A1BG: variants seen among roughly 807,000 people sequenced by gnomAD.
The protein encoded by A1BG is alpha-1B-glycoprotein.
A neutral mutation model predicts 46.0 loss-of-function variants in A1BG; 44 were observed. That is an observed-to-expected ratio of 0.96 (90% CI 0.75 to 1.23). A1BG has a LOEUF of 1.23. Among genes scored for constraint, A1BG ranks in the 50% most tolerant of loss-of-function variants. A1BG has a pLI of 0.00. For missense variants in A1BG, 707 were observed against 688.8 expected (o/e 1.03, Z -0.30); for synonymous variants, 316 against 314.7 (o/e 1.00, Z -0.04).
At position 58,350,554 on chromosome 19, in the gene A1BG, C is replaced by G; in HGVS notation, c.1008G>C (p.Leu336=). 1.9e-6 allele frequency: 3 copies of G among 1,546,480 alleles called. No individual in the cohort carries two copies. The highest frequency in any genetic ancestry group is 2.6e-6 in the Non-Finnish European group (3 of 1,144,968). ...LAPLEGARFA[L]VREDRGGRRV... is the part of the protein sequence containing the mutation. ...GGCGCCCGCCCCTGTCCTCGCGCAC[C>G]AGGGCGAAGCGCGCGCCCTCCAGGG... Residue 336 remains leucine (L), a synonymous_variant, in exon 6 of 8, where the codon CTG becomes CTC. Coordinates refer to ENST00000263100, the MANE Select transcript of A1BG (RefSeq NM_130786.4).
intron 4 of A1BG, 138 bp downstream of exon 4, chr19:58,352,145 A>C: frequency 6.7e-7 from 1 of 1,501,868 alleles, no homozygotes. Flanking sequence ...TGCAACCATC[A>C]GACCCAGGCA....
rs773864522 is a variant in A1BG at position 58,353,247 on chromosome 19, C to G, written c.70+45G>C. The stretch of plus-strand genomic sequence containing the variant: ...TCAGTGCCACAGAGACAGGGCTCCC[C>G]CCCGGCCTGGGCCCACCATTCCCAG... On this transcript the variant is annotated intron_variant, in intron 2 of 7. Transcript: ENST00000263100. The G allele has an allele frequency of 3.7e-6, 6 of 1,613,812 alleles. No homozygotes were observed. The Admixed American group carries it at 1.0e-4, about 27-fold the overall frequency.
chr19:58,347,639 T>A lies in A1BG; in HGVS notation c.1194A>T (p.Gly398=). The A allele has an allele frequency of 2.3e-5, 32 of 1,409,350 alleles. No individual in the cohort carries two copies. The highest frequency in any genetic ancestry group is 2.2e-4 in the Middle Eastern group (1 of 4,508). 87.3% of individuals were successfully genotyped at this position (1,409,350 alleles called of 1,614,324 possible). A position where few individuals can be genotyped will look rare whatever the true frequency, so the allele number is the denominator to read the frequency against. ...PSERLELHVD[G]PPPRPQLRAT... is the part of the protein sequence containing the mutation. ...CCCGGAGCTGAGGCCTGGGAGGGGGTCCTGGGCGGAGCGGGCGGGTGGTCG... is the reference window on the plus strand; with the variant it reads ...CCCGGAGCTGAGGCCTGGGAGGGGGACCTGGGCGGAGCGGGCGGGTGGTCG... The change falls in exon 7 of 8, where the codon GGA becomes GGT. Residue 398 remains glycine, a splice_region_variant and synonymous_variant. Transcript: ENST00000263100.
At chr19:58,348,516 T>C (rs764798226) in intron 6 of A1BG, 4 of 152,340 alleles carry the variant, frequency 2.6e-5, no homozygotes, top group African/African-American at 7.2e-5. Flanking sequence ...CCATGGAAGA[T>C]ACTAGCCCAG....
chr19:58,351,692 A>G lies in A1BG; in HGVS notation c.614-5T>C. 6.4e-7 allele frequency: 1 copy of G among 1,572,890 alleles called. No homozygotes were observed. On this transcript the variant is annotated splice_region_variant and splice_polypyrimidine_tract_variant and intron_variant, in intron 4 of 7. Coordinates refer to ENST00000263100, the MANE Select transcript of A1BG (RefSeq NM_130786.4). ...GCACAGGCGGTGGTGGTGCAGCTGC[A>G]ATGCAGGCAGCATTACTAGGCTGCC...
At chr19:58,349,733 AG>A (rs937687868) in intron 6 of A1BG, 8 of 150,650 alleles carry the variant, frequency 5.3e-5, no homozygotes, top group African/African-American at 2.0e-4. Flanking sequence ...GAGAGAAAGA[AG>A]AAAAAAGAAG....
Position 58,353,323 on chromosome 19 carries a change from G to A in A1BG, c.39C>T (p.Val13=). The change falls in exon 2 of 8, where the codon GTC becomes GTT. Residue 13 remains valine (V), a synonymous_variant. Coordinates refer to ENST00000263100, the MANE Select transcript of A1BG (RefSeq NM_130786.4). ...MLVVFLLLWG[V]TWGPVTEAAI... ...CTGCTTCTGTCACTGGGCCCCAGGTGACACCTGCGGAGACAGCCCCCGTAA... is the reference window on the plus strand; with the variant it reads ...CTGCTTCTGTCACTGGGCCCCAGGTAACACCTGCGGAGACAGCCCCCGTAA... The A allele has an allele frequency of 1.9e-6, 3 of 1,611,956 alleles. No homozygotes were observed. Among genetic ancestry groups the A allele is most frequent in the Non-Finnish European group, 2.5e-6 (3 of 1,179,150 alleles).
intron 3 of A1BG, 72 bp from the exon 4 acceptor site, chr19:58,352,627 C>T (rs1056618877): frequency 2.0e-6 from 3 of 1,537,450 alleles, no homozygotes; most frequent in African/African-American, 2.7e-5. Flanking sequence ...GAACCTGGGC[C>T]CCACACTCAT....
Position 58,350,394 on chromosome 19 carries a change from C to T in A1BG, c.1168G>A (p.Glu390Lys), listed in dbSNP as rs555136180. Residue 390 changes from glutamate to lysine, a missense_variant, in exon 6 of 8, where the codon GAG (glutamate) becomes AAG (lysine). Coordinates refer to ENST00000263100, the MANE Select transcript of A1BG (RefSeq NM_130786.4). ...KPPFGGSAPS[E>K]RLELHVDGPP... The stretch of plus-strand genomic sequence containing the variant: ...CCGTCCACGTGCAGCTCCAAGCGCT[C>T]GCTGGGCGCGGAGCCCCCGAAAGGC... 256 of 1,548,532 alleles carry T rather than the reference C, an allele frequency of 1.7e-4. 1 individual carries two copies. The South Asian group carries it at 2.1e-3, about 13-fold the overall frequency.
intron 5 of A1BG, 110 bp downstream of exon 5, chr19:58,351,281 G>T (rs372232152): frequency 3.7e-6 from 5 of 1,348,706 alleles, no homozygotes; most frequent in African/African-American, 1.4e-5. Context: ...GGATAAAGTT[G>T]GTATTGGACC....
intron 5 of A1BG, 61 bp from the exon 6 acceptor site, chr19:58,350,712 G>T: frequency 7.6e-7 from 1 of 1,323,342 alleles, no homozygotes; most frequent in Non-Finnish European, 9.6e-7. Context: ...CTAACGCGTG[G>T]TCTGGCCTCG....
intron 6 of A1BG, chr19:58,348,588 C>A (rs927523577): frequency 9.2e-5 from 14 of 152,180 alleles, no homozygotes. Context: ...TATTCCCTAT[C>A]CATTTTGAAA....
rs1483998313 is a variant in A1BG at position 58,347,696 on chromosome 19, C to T, written c.1193-56G>A. 7 of 815,378 alleles carry T rather than the reference C, an allele frequency of 8.6e-6. No homozygotes were observed. In the African/African-American group the frequency reaches 1.2e-4, roughly 15 times the overall value. The allele number at this position is 815,378 out of a possible 1,614,324, so 50.5% of individuals were successfully genotyped here. A position where few individuals can be genotyped will look rare whatever the true frequency, so the allele number is the denominator to read the frequency against. ...GCCACGCCCCAGGCCACGCCCCAGG[C>T]CACACCCCAGGCCACACCCCAGGCC... is the stretch of plus-strand genomic sequence containing the variant. On this transcript the variant is annotated intron_variant, in intron 6 of 7. Transcript: ENST00000263100.
At chr19:58,349,382 G>T (rs1600503581) in intron 6 of A1BG, among the ~76,000 whole-genome samples, 1 of 152,060 alleles carries the variant, frequency 6.6e-6, no homozygotes, top group African/African-American at 2.4e-5. Flanking sequence ...GCTGGGCATG[G>T]TGACTCACAA....
chr19:58,353,151 C>T lies in A1BG; in HGVS notation c.117G>A (p.Leu39=). The stretch of plus-strand genomic sequence containing the variant: ...TCAGCGTCACATTGGCCAAGGGTTT[C>T]AGCAGTGATTCGGACTCTGCCCACA... The part of the protein sequence containing the change: ...PSLWAESESL[L]KPLANVTLTC... The change falls in exon 3 of 8, where the codon CTG becomes CTA. Residue 39 remains leucine, a synonymous_variant. Coordinates refer to ENST00000263100, the MANE Select transcript of A1BG (RefSeq NM_130786.4). 1 of 1,614,170 alleles carries T rather than the reference C, an allele frequency of 6.2e-7. No homozygotes were observed. The highest frequency in any genetic ancestry group is 8.5e-7 in the Non-Finnish European group (1 of 1,180,024).
chr19:58,352,662 G>A (rs2051972568), intron 3 of A1BG, 107 bp from the exon 4 acceptor site: 1 of 1,414,880 alleles, frequency 7.1e-7, no homozygotes, highest in African/African-American at 1.4e-5. Flanking sequence ...GACAGGGATG[G>A]AGGGCATTGC....
In A1BG at chr19:58,346,781, G is replaced by A; in HGVS notation, c.*241C>T. 1 of 615,346 alleles carries A rather than the reference G, an allele frequency of 1.6e-6. No homozygotes were observed. The highest frequency in any genetic ancestry group is 2.8e-5 in the East Asian group (1 of 35,834). The allele number at this position is 615,346 out of a possible 1,614,324, so 38.1% of individuals were successfully genotyped here. On this transcript the variant is annotated 3_prime_UTR_variant, in exon 8 of 8. Transcript: ENST00000263100. ...GCCAGTTCTCCACTCCTCTACCTCA[G>A]GAGCCACCCCAGAACCCATCCACTT...
In A1BG at chr19:58,350,382, G is replaced by C. The variant is rs1227153727; in HGVS notation, c.1180C>G (p.Leu394Val). The C allele has an allele frequency of 6.5e-7, 1 of 1,547,476 alleles. No individual in the cohort carries two copies. The highest frequency in any genetic ancestry group is 2.0e-5 in the Admixed American group (1 of 50,870). The change falls in exon 6 of 8, where the codon CTG (leucine) becomes GTG (valine). Residue 394 changes from leucine to valine, a missense_variant. By Grantham distance (32) the Leu-to-Val change is conservative. Transcript: ENST00000263100. ...GGSAPSERLE[L>V]HVDGPPPRPQ... ...CCCGCCAGCTCACCGTCCACGTGCA[G>C]CTCCAAGCGCTCGCTGGGCGCGGAG...
At chr19:58,347,666 G>GCCAGGCCACGCCCCAGGCCGCGC (rs1555779275) in intron 6 of A1BG, 26 bp from the exon 7 acceptor site, 1 of 1,150,548 alleles carries the variant, frequency 8.7e-7, no homozygotes, top group Non-Finnish European at 1.1e-6. Context: ...GGGTGGTCGG[G>GCCAGGCCACGCCCCAGGCCGCGC]CCAGGCCACG....
Sources: allele counts gnomAD v4.1 joint callset (sites outside exome capture counted in the v4.1 genomes callset), GRCh38; gene constraint gnomAD v4.1.1; transcripts MANE v1.5; gene names NCBI Gene and HGNC (gene_info 2026-07-23, HGNC 2026-07-21).